Variants in ZMIZ1 observed in about 807,000 individuals in gnomAD.
ZMIZ1 encodes the protein zinc finger MIZ-type containing 1.
In ZMIZ1, 17 loss-of-function variants were observed where a neutral mutation model predicts 113.9. That is an observed-to-expected ratio of 0.15 (90% CI 0.10 to 0.22). The LOEUF (loss-of-function observed/expected upper bound fraction) is 0.22. Among genes scored for constraint, ZMIZ1 ranks in the 10% least tolerant of loss-of-function variants. The pLI is 1.00. For synonymous variants in ZMIZ1, 607 were observed against 603.1 expected (o/e 1.01, Z -0.09); for missense variants, 1,059 against 1,477.8 (o/e 0.72, Z 4.65).
intron 4 of ZMIZ1, among the ~76,000 whole-genome samples, chr10:79,186,807 C>A (rs1847370283): frequency 6.6e-6 from 1 of 152,194 alleles, no homozygotes; most frequent in African/African-American, 2.4e-5. Context: ...TTAAGAAGGA[C>A]CCCGTGCCAC....
intron 1 of ZMIZ1, among the ~76,000 whole-genome samples, chr10:79,104,952 T>TGG (rs1430143074): frequency 2.2e-4 from 13 of 59,750 alleles, no homozygotes; most frequent in Non-Finnish European, 3.2e-4. Flanking sequence ...TGTTGTGGGG[T>TGG]GTGTGTGTGT....
At chr10:79,090,575 A>G (rs963350587) in intron 1 of ZMIZ1, among the ~76,000 whole-genome samples, 2 of 152,150 alleles carry the variant, frequency 1.3e-5, no homozygotes, top group African/African-American at 4.8e-5. Context: ...CCTTCTCCAG[A>G]GAAGGCTTTG....
At chr10:79,106,023 C>T (rs2132277433) in intron 1 of ZMIZ1, among the ~76,000 whole-genome samples, 1 of 152,346 alleles carries the variant, frequency 6.6e-6, no homozygotes, top group Middle Eastern at 3.4e-3. Context: ...GACCACCACA[C>T]TCCCTAAGAC....
At chr10:79,133,446 C>A (rs1387925780) in intron 2 of ZMIZ1, among the ~76,000 whole-genome samples, 1 of 152,132 alleles carries the variant, frequency 6.6e-6, no homozygotes, top group Non-Finnish European at 1.5e-5. Flanking sequence ...AGGGGTACAG[C>A]ACAGAGAAGT....
chr10:79,208,985 C>T (rs1175496010), intron 6 of ZMIZ1, among the ~76,000 whole-genome samples: 1 of 152,140 alleles, frequency 6.6e-6, no homozygotes, highest in African/African-American at 2.4e-5. Flanking sequence ...AGCCTGGTTT[C>T]CTCTGTAGCG....
intron 18 of ZMIZ1, 77 bp from the exon 19 acceptor site, chr10:79,303,938 T>C: frequency 6.3e-7 from 1 of 1,575,720 alleles, no homozygotes; most frequent in Non-Finnish European, 8.7e-7. Context: ...CACGAGGAAG[T>C]GGGGAGCACG....
Position 79,268,477 on chromosome 10 carries a change from C to G in ZMIZ1, c.281-8704C>G, listed in dbSNP as rs74434944. Among the ~76,000 whole-genome samples, 361 of 152,362 alleles carry G rather than the reference C, an allele frequency of 2.4e-3. 1 individual carries two copies. The highest frequency in any genetic ancestry group is 8.2e-3 in the African/African-American group (342 of 41,588). ...CAGATGCTGCTCCAGTTGTCCGGGT[C>G]TCAGTGTCTGTCCTTCCTTCCCAGT... On this transcript the variant is annotated intron_variant, in intron 7 of 24. Transcript: ENST00000334512.
chr10:79,174,711 A>G (rs907143336), intron 4 of ZMIZ1, among the ~76,000 whole-genome samples: 1 of 152,214 alleles, frequency 6.6e-6, no homozygotes, highest in Non-Finnish European at 1.5e-5. Context: ...TTAATTCAGA[A>G]ATGTGGCTGA....
Position 79,269,934 on chromosome 10 carries a change from C to T in ZMIZ1, c.281-7247C>T, listed in dbSNP as rs140445668. The stretch of plus-strand genomic sequence containing the variant: ...TCGATGCTAACAAAGGCTGGTCACT[C>T]GGCCTGTCTGAACAGTACATGTAGA... On this transcript the variant is annotated intron_variant, in intron 7 of 24. Transcript: ENST00000334512. 7.0e-4 allele frequency among the ~76,000 whole-genome samples: 106 copies of T among 152,362 alleles called. 1 individual carries two copies. Among genetic ancestry groups the T allele is most frequent in the African/African-American group, 2.4e-3 (100 of 41,580 alleles).
chr10:79,207,627 C>A (rs1278691779), intron 5 of ZMIZ1, among the ~76,000 whole-genome samples: 1 of 152,226 alleles, frequency 6.6e-6, no homozygotes, highest in Admixed American at 6.5e-5. Flanking sequence ...GGCCTGAGCT[C>A]AGGCTGACTT....
intron 1 of ZMIZ1, among the ~76,000 whole-genome samples, chr10:79,075,576 C>CATGCACACACATGCACACCTGCACACAT (rs1554846534): frequency 0.025 from 3,707 of 149,362 alleles, 150 homozygotes; most frequent in African/African-American, 0.09. Flanking sequence ...CATGCACACA[C>CATGCACACACATGCACACCTGCACACAT]ATGCACACAT....
chr10:79,309,548 C>G (rs908026002), intron 23 of ZMIZ1, among the ~76,000 whole-genome samples: 1 of 152,206 alleles, frequency 6.6e-6, no homozygotes, highest in Non-Finnish European at 1.5e-5. Flanking sequence ...GGGGCTTGGA[C>G]TGGAAGGGCA....
At chr10:79,196,442 G>A (rs945538289) in intron 4 of ZMIZ1, among the ~76,000 whole-genome samples, 1 of 152,216 alleles carries the variant, frequency 6.6e-6, no homozygotes, top group Non-Finnish European at 1.5e-5. Context: ...GCTCCTCAGA[G>A]TAAAACCAGT....
At chr10:79,185,332 G>A (rs764390627) in intron 4 of ZMIZ1, among the ~76,000 whole-genome samples, 2 of 152,136 alleles carry the variant, frequency 1.3e-5, no homozygotes, top group Non-Finnish European at 2.9e-5. Flanking sequence ...CTGCTGAAAC[G>A]ATAGAAAATG....
rs561561363 is a variant in ZMIZ1 at position 79,302,014 on chromosome 10, G to T, written c.2020-93G>T. On this transcript the variant is annotated intron_variant, in intron 17 of 24. Coordinates refer to ENST00000334512, the MANE Select transcript of ZMIZ1 (RefSeq NM_020338.4). ...GGGGAGCCTCCTGGGCCGGCTGTGG[G>T]ATCCTGGGAGCAGTCTAGGGCTGCT... 3.0e-6 allele frequency: 4 copies of T among 1,312,374 alleles called. No individual in the cohort carries two copies. The African/African-American group carries it at 5.8e-5, about 19-fold the overall frequency. The allele number at this position is 1,312,374 out of a possible 1,614,324, so 81.3% of individuals were successfully genotyped here.
In ZMIZ1 at chr10:79,270,967, C is replaced by T. The variant is rs540419577; in HGVS notation, c.281-6214C>T. ...AGTAATGCCTTCCCTCCAGGGCCAC[C>T]GGCGCCTTGCCACCAGCTGAAGCAG... On this transcript the variant is annotated intron_variant, in intron 7 of 24. Transcript: ENST00000334512. Among the ~76,000 whole-genome samples the T allele has an allele frequency of 8.5e-5, 13 of 152,288 alleles. No homozygotes were observed. In the South Asian group the frequency reaches 1.0e-3, roughly 12 times the overall value.
At chr10:79,237,974 G>A (rs576271820) in intron 7 of ZMIZ1, among the ~76,000 whole-genome samples, 67 of 152,286 alleles carry the variant, frequency 4.4e-4, no homozygotes, top group African/African-American at 1.5e-3. Context: ...CCTCTGCAGC[G>A]CCTCAGTTAG....
At chr10:79,191,582 C>T (rs1410739341) in intron 4 of ZMIZ1, among the ~76,000 whole-genome samples, 3 of 152,180 alleles carry the variant, frequency 2.0e-5, no homozygotes, top group African/African-American at 2.4e-5. Flanking sequence ...CAGCACTGGA[C>T]GGGCCTGTGA....
chr10:79,303,182 A>C (rs2132076155), intron 18 of ZMIZ1, among the ~76,000 whole-genome samples: 1 of 149,886 alleles, frequency 6.7e-6, no homozygotes, highest in Admixed American at 6.6e-5. Context: ...AACTCAGGAG[A>C]GGACTGGGCA....
Sources: gnomAD v4.1 joint callset for allele counts (sites outside exome capture counted in the v4.1 genomes callset) on GRCh38, gnomAD v4.1.1 for gene constraint, MANE v1.5 for transcripts, NCBI Gene and HGNC (gene_info 2026-07-23, HGNC 2026-07-21) for gene names.